Variants in CDS2 observed in about 807,000 individuals in gnomAD.
The protein encoded by CDS2 is phosphatidate cytidylyltransferase 2.
Under a neutral mutation model 59.0 loss-of-function variants are expected in CDS2, and 47 were observed. That is an observed-to-expected ratio of 0.80 (90% confidence interval 0.63 to 1.02). The LOEUF (loss-of-function observed/expected upper bound fraction) is 1.02, where lower values mean the gene tolerates loss of function less well. Among genes scored for constraint, CDS2 ranks in the 50% least tolerant of loss-of-function variants. The probability of loss-of-function intolerance (pLI) is 0.00; values close to 1 mark genes in which losing one functional copy is unlikely to be tolerated. For synonymous variants in CDS2, 207 were observed against 206.4 expected, an observed-to-expected ratio of 1.00 and a Z score of -0.02; for missense variants, 356 against 558.9, an observed-to-expected ratio of 0.64 and a Z score of 3.66.
At chr20:5,144,644 C>T (rs894348526) in intron 1 of CDS2, among the ~76,000 whole-genome samples, 10 of 152,130 alleles carry the variant, frequency 6.6e-5, no homozygotes, top group Non-Finnish European at 1.5e-5. Flanking sequence ...CAACATGAAA[C>T]TTTTCCTACA....
chr20:5,185,049 T>C (rs1294629575), intron 8 of CDS2, 104 bp downstream of exon 8: 2 of 846,350 alleles, frequency 2.4e-6, no homozygotes, highest in East Asian at 2.4e-5. Flanking sequence ...CTGTGTTGTA[T>C]TGTGGCCATG....
At chr20:5,151,628 G>C (rs2090790190) in intron 1 of CDS2, among the ~76,000 whole-genome samples, 1 of 151,642 alleles carries the variant, frequency 6.6e-6, no homozygotes, top group South Asian at 2.1e-4. Flanking sequence ...TTGTAGAGGT[G>C]GGGTCTTGCT....
Position 5,190,125 on chromosome 20 carries a change from TTC to T in CDS2, c.1230_1231del (p.Gln411AlafsTer62). 1 of 1,613,994 alleles carries T rather than the reference TTC, an allele frequency of 6.2e-7. No individual in the cohort carries two copies. The highest frequency in any genetic ancestry group is 8.5e-7 in the Non-Finnish European group (1 of 1,179,882). On this transcript the variant is annotated frameshift_variant, in exon 13 of 13. Transcript: ENST00000460006. LOFTEE classifies it high-confidence loss of function. ...AGAGGCCCTAACCCAAGCAAACTGA[TTC>T]AGCAGTTCCTGACTTTACGGCCAGA... is the stretch of plus-strand genomic sequence containing the variant.
intron 6 of CDS2, among the ~76,000 whole-genome samples, chr20:5,182,814 A>C (rs1303071299): frequency 1.3e-5 from 2 of 152,176 alleles, no homozygotes; most frequent in Admixed American, 1.3e-4. Context: ...GTGCTCAATA[A>C]CTACTAAGAA....
intron 1 of CDS2, among the ~76,000 whole-genome samples, chr20:5,148,891 A>G (rs142067025): frequency 3.0e-4 from 46 of 152,278 alleles, no homozygotes; most frequent in African/African-American, 9.4e-4. Flanking sequence ...TTTTTTCAGT[A>G]TGTACGCAGT....
chr20:5,160,373 G>A (rs2090867804), intron 1 of CDS2, among the ~76,000 whole-genome samples: 1 of 152,172 alleles, frequency 6.6e-6, no homozygotes, highest in Non-Finnish European at 1.5e-5. Flanking sequence ...CTGAGGTGGT[G>A]TTGGGGGTTC....
chr20:5,174,502 C>T (rs1052188654), intron 2 of CDS2, among the ~76,000 whole-genome samples: 9 of 152,002 alleles, frequency 5.9e-5, no homozygotes, highest in Admixed American at 1.3e-4. Context: ...TTTGGGAGGC[C>T]GAGGCGGGTG....
intron 4 of CDS2, 138 bp from the exon 5 acceptor site, chr20:5,178,679 G>C (rs945460633): frequency 2.7e-6 from 2 of 740,256 alleles, no homozygotes; most frequent in Non-Finnish European, 4.5e-6. Context: ...TGGTCTGCCT[G>C]TTGCTCTGTG....
rs180749239 is a variant in CDS2, at chr20:5,182,114, G to A, written c.530-273G>A. The stretch of plus-strand genomic sequence containing the variant: ...CACTGTTTGCTGGCCCATGTTCTAG[G>A]AATAAAACATTCCTATCTGATGAAC... On this transcript the variant is annotated intron_variant, in intron 5 of 12. Coordinates refer to ENST00000460006, the MANE Select transcript of CDS2 (RefSeq NM_003818.4). Among the ~76,000 whole-genome samples, 924 of 152,310 alleles carry A rather than the reference G, an allele frequency of 6.1e-3. 9 individuals are homozygous for A. The highest frequency in any genetic ancestry group is 9.8e-3 in the Non-Finnish European group (665 of 68,022).
chr20:5,187,343 T>C (rs1205871313), intron 10 of CDS2: 1 of 169,730 alleles, frequency 5.9e-6, no homozygotes, highest in Non-Finnish European at 1.3e-5. Context: ...CACACACCTT[T>C]TTAACACTCT....
At chr20:5,145,109 G>C (rs1326850884) in intron 1 of CDS2, among the ~76,000 whole-genome samples, 1 of 151,928 alleles carries the variant, frequency 6.6e-6, no homozygotes, top group East Asian at 1.9e-4. Flanking sequence ...AGAATGGGGA[G>C]ACAAGACACA....
chr20:5,175,377 CG>C, intron 3 of CDS2, 98 bp downstream of exon 3: 1 of 935,720 alleles, frequency 1.1e-6, no homozygotes, highest in East Asian at 2.4e-5. Flanking sequence ...TGGGAATTGA[CG>C]GGGGTCCAGG....
At chr20:5,157,603 G>A (rs902735522) in intron 1 of CDS2, among the ~76,000 whole-genome samples, 1 of 152,172 alleles carries the variant, frequency 6.6e-6, no homozygotes, top group African/African-American at 2.4e-5. Context: ...TTTGGGGTCT[G>A]GGAAGTCCAA....
chr20:5,139,195 A>G (rs977947533), intron 1 of CDS2, among the ~76,000 whole-genome samples: 1 of 152,174 alleles, frequency 6.6e-6, no homozygotes, highest in African/African-American at 2.4e-5. Flanking sequence ...TACAAAAATT[A>G]GCCCGGTGTG....
At chr20:5,158,878 C>T (rs912941582) in intron 1 of CDS2, among the ~76,000 whole-genome samples, 3 of 152,132 alleles carry the variant, frequency 2.0e-5, no homozygotes, top group Non-Finnish European at 4.4e-5. Flanking sequence ...TCTGCTGATA[C>T]GTTAGGGGTT....
chr20:5,132,998 C>T (rs1264582045), intron 1 of CDS2, among the ~76,000 whole-genome samples: 1 of 148,746 alleles, frequency 6.7e-6, no homozygotes, highest in African/African-American at 2.6e-5. Context: ...CGGCAAAACC[C>T]CTTCTCTACT....
intron 1 of CDS2, among the ~76,000 whole-genome samples, chr20:5,129,897 A>G (rs1468721655): frequency 2.0e-5 from 3 of 152,102 alleles, no homozygotes; most frequent in Non-Finnish European, 4.4e-5. Context: ...GATTTTTAAT[A>G]AGGGAACATT....
At chr20:5,179,231 C>T (rs1337633715) in intron 5 of CDS2, among the ~76,000 whole-genome samples, 1 of 151,778 alleles carries the variant, frequency 6.6e-6, no homozygotes, top group Non-Finnish European at 1.5e-5. Flanking sequence ...AAGCGATCCT[C>T]CCACCTCAGG....
chr20:5,158,739 G>C (rs538311983), intron 1 of CDS2, among the ~76,000 whole-genome samples: 1 of 152,158 alleles, frequency 6.6e-6, no homozygotes, highest in Non-Finnish European at 1.5e-5. Flanking sequence ...AGCAGCTAGC[G>C]GTTTGGGGAC....
Sources: gnomAD v4.1 joint callset for allele counts (sites outside exome capture counted in the v4.1 genomes callset) on GRCh38, gnomAD v4.1.1 for gene constraint, MANE v1.5 for transcripts, NCBI Gene and HGNC (gene_info 2026-07-23, HGNC 2026-07-21) for gene names.